PTPRK: variants seen among roughly 807,000 people sequenced by gnomAD.
The protein encoded by PTPRK is receptor-type tyrosine-protein phosphatase kappa.
A neutral mutation model predicts 178.0 loss-of-function variants in PTPRK; 75 were observed. The observed-to-expected ratio is 0.42, with a 90% confidence interval of 0.35 to 0.51. The LOEUF is 0.51. Ranked by LOEUF, PTPRK falls within the 20% of genes least tolerant of loss-of-function variation. The pLI, the probability that PTPRK is intolerant of heterozygous loss-of-function variation, is 0.02. For synonymous variants in PTPRK, 637 were observed against 620.6 expected (o/e 1.03, Z -0.39); for missense variants, 1,441 against 1,797.8 (o/e 0.80, Z 3.59).
At chr6:128,016,755 A>G (rs544154136) in intron 13 of PTPRK, among the ~76,000 whole-genome samples, 26 of 152,030 alleles carry the variant, frequency 1.7e-4, no homozygotes, top group African/African-American at 5.5e-4. Flanking sequence ...AAGTTTTAAA[A>G]GAGTCCAAGA....
intron 1 of PTPRK, among the ~76,000 whole-genome samples, chr6:128,444,083 C>T (rs1278855892): frequency 1.3e-5 from 2 of 152,134 alleles, no homozygotes; most frequent in Admixed American, 1.3e-4. Context: ...GAACTCCTGA[C>T]CTTGTGATCC....
At chr6:128,360,817 TTTG>T (rs939118151) in intron 2 of PTPRK, among the ~76,000 whole-genome samples, 9 of 152,172 alleles carry the variant, frequency 5.9e-5, no homozygotes, top group Admixed American at 5.2e-4. Flanking sequence ...CTAGCCTTAG[TTTG>T]TTTTCAACAT....
At chr6:128,366,974 A>G (rs1835587040) in intron 2 of PTPRK, among the ~76,000 whole-genome samples, 1 of 152,104 alleles carries the variant, frequency 6.6e-6, no homozygotes, top group African/African-American at 2.4e-5. Context: ...CTTCATAGAA[A>G]CAGGCTCCCA....
At chr6:128,299,583 C>G (rs1042077801) in intron 3 of PTPRK, among the ~76,000 whole-genome samples, 5 of 151,806 alleles carry the variant, frequency 3.3e-5, no homozygotes, top group Admixed American at 3.3e-4. Flanking sequence ...CTACAACTAT[C>G]TGATCTTTGA....
intron 13 of PTPRK, among the ~76,000 whole-genome samples, chr6:128,024,208 G>A (rs1466892056): frequency 1.3e-5 from 2 of 152,104 alleles, no homozygotes; most frequent in Non-Finnish European, 2.9e-5. Context: ...ATAATTCCTT[G>A]TAAGAGCTCT....
At chr6:128,281,978 C>T (rs1821747952) in intron 3 of PTPRK, among the ~76,000 whole-genome samples, 1 of 151,980 alleles carries the variant, frequency 6.6e-6, no homozygotes, top group African/African-American at 2.4e-5. Context: ...GCAACATGGA[C>T]TCATTGAGAG....
intron 7 of PTPRK, among the ~76,000 whole-genome samples, chr6:128,132,652 G>A (rs537717045): frequency 1.3e-5 from 2 of 152,300 alleles, no homozygotes; most frequent in East Asian, 1.9e-4. Flanking sequence ...AGTGACATTA[G>A]TTAAATTTAT....
chr6:128,471,075 G>C (rs868481309), intron 1 of PTPRK, among the ~76,000 whole-genome samples: 2 of 151,852 alleles, frequency 1.3e-5, no homozygotes, highest in Middle Eastern at 3.4e-3. Flanking sequence ...TATCACTGAA[G>C]GACATCATTT....
intron 7 of PTPRK, among the ~76,000 whole-genome samples, chr6:128,119,715 T>G (rs1792141158): frequency 6.6e-6 from 1 of 152,070 alleles, no homozygotes; most frequent in South Asian, 2.1e-4. Flanking sequence ...CTCCAGGATA[T>G]CATGATAAGG....
intron 3 of PTPRK, among the ~76,000 whole-genome samples, chr6:128,245,254 T>C (rs1815246278): frequency 6.7e-6 from 1 of 148,866 alleles, no homozygotes; most frequent in Admixed American, 6.6e-5. Context: ...TTTACTACAT[T>C]GCTTCTCAAG....
At chr6:128,306,575 C>T (rs996343886) in intron 3 of PTPRK, among the ~76,000 whole-genome samples, 1 of 152,032 alleles carries the variant, frequency 6.6e-6, no homozygotes, top group African/African-American at 2.4e-5. Flanking sequence ...GCCAGAGTAG[C>T]TTGAGGCCAG....
chr6:128,361,013 G>T (rs1834671473), intron 2 of PTPRK, among the ~76,000 whole-genome samples: 1 of 152,108 alleles, frequency 6.6e-6, no homozygotes, highest in Non-Finnish European at 1.5e-5. Flanking sequence ...AGAATTCAGA[G>T]CAAATTAAGA....
rs140770394 is a variant in PTPRK at position 128,304,971 on chromosome 6, C to T, written c.495+17068G>A. ...CAAAAAGCAGTGGCAAATGGCAGTT[C>T]TCTGGCATGCCTATTTTGTTACTTC... On this transcript the variant is annotated intron_variant, in intron 3 of 29. Coordinates refer to ENST00000368226, the MANE Select transcript of PTPRK (RefSeq NM_002844.4). Among the ~76,000 whole-genome samples the T allele has an allele frequency of 7.1e-4, 108 of 152,270 alleles. 1 individual carries two copies. The highest frequency in any genetic ancestry group is 2.5e-3 in the African/African-American group (105 of 41,546).
chr6:128,271,644 G>C (rs1033052484), intron 3 of PTPRK, among the ~76,000 whole-genome samples: 16 of 152,148 alleles, frequency 1.1e-4, no homozygotes, highest in African/African-American at 3.4e-4. Context: ...CTCAATCAAA[G>C]TTTAAAGCAT....
chr6:128,401,880 C>A (rs943928948), intron 1 of PTPRK, among the ~76,000 whole-genome samples: 12 of 152,116 alleles, frequency 7.9e-5, no homozygotes, highest in African/African-American at 2.7e-4. Flanking sequence ...CAAAAATGGA[C>A]AAATTAACCT....
chr6:128,258,858 G>A (rs1245148205), intron 3 of PTPRK, among the ~76,000 whole-genome samples: 3 of 152,174 alleles, frequency 2.0e-5, no homozygotes, highest in African/African-American at 4.8e-5. Flanking sequence ...AGCATTCCAC[G>A]ATCAGAAAGC....
intron 1 of PTPRK, among the ~76,000 whole-genome samples, chr6:128,448,892 C>T (rs1308729238): frequency 2.6e-5 from 4 of 152,276 alleles, no homozygotes; most frequent in African/African-American, 7.2e-5. Flanking sequence ...AAGAGTCTCG[C>T]TTTGTCACCC....
intron 7 of PTPRK, among the ~76,000 whole-genome samples, chr6:128,143,352 T>A (rs1796046848): frequency 6.6e-6 from 1 of 152,172 alleles, no homozygotes; most frequent in Non-Finnish European, 1.5e-5. Context: ...CTTGAAAACC[T>A]TTGTAATTAT....
chr6:128,457,117 A>T (rs1035694435), intron 1 of PTPRK, among the ~76,000 whole-genome samples: 1 of 152,088 alleles, frequency 6.6e-6, no homozygotes, highest in Non-Finnish European at 1.5e-5. Context: ...CAAGGGGGAA[A>T]ATCTGCAAAT....
Sources: gnomAD v4.1 joint callset for allele counts (sites outside exome capture counted in the v4.1 genomes callset) on GRCh38, gnomAD v4.1.1 for gene constraint, MANE v1.5 for transcripts, NCBI Gene and HGNC (gene_info 2026-07-23, HGNC 2026-07-21) for gene names.